GNA13: variants seen among roughly 807,000 people sequenced by gnomAD.
The protein encoded by GNA13 is G protein subunit alpha 13.
GNA13 carries 4 observed loss-of-function variants against 33.5 expected under a neutral mutation model. The observed-to-expected ratio is 0.12, with a 90% CI of 0.06 to 0.27. The LOEUF is 0.27. Ranked by LOEUF, GNA13 falls within the 10% of genes least tolerant of loss-of-function variation. The pLI is 1.00. For missense variants in GNA13, 319 were observed against 487.2 expected (o/e 0.65, Z 3.25); for synonymous variants, 176 against 183.8 (o/e 0.96, Z 0.34).
rs528562157 is a variant in GNA13, at chr17:65,009,490, T to C, written c.*4767A>G. 6.6e-6 allele frequency among the ~76,000 whole-genome samples: 1 copy of C among 152,206 alleles called. No individual in the cohort carries two copies. Among genetic ancestry groups the C allele is most frequent in the South Asian group, 2.1e-4 (1 of 4,822 alleles). On this transcript the variant is annotated 3_prime_UTR_variant, in exon 4 of 4. Coordinates refer to ENST00000439174, the MANE Select transcript of GNA13 (RefSeq NM_006572.6). ...TATTGCCCATCCTGAACTAAAGCAC[T>C]GACAAAAAAATTTACAACAATTATC...
intron 2 of GNA13, among the ~76,000 whole-genome samples, chr17:65,030,230 G>A (rs1906953303): frequency 6.6e-6 from 1 of 152,200 alleles, no homozygotes; most frequent in Non-Finnish European, 1.5e-5. Flanking sequence ...CTTTTTCTCT[G>A]AGCAGATTTA....
intron 2 of GNA13, among the ~76,000 whole-genome samples, chr17:65,029,255 G>A (rs1906914467): frequency 1.3e-5 from 2 of 152,126 alleles, no homozygotes; most frequent in Admixed American, 6.6e-5. Flanking sequence ...TTTTCCCTAT[G>A]AAACAAGCTC....
At position 65,014,932 on chromosome 17, in the gene GNA13, T is replaced by C. The variant is rs1363231307; in HGVS notation, c.562-103A>G. On this transcript the variant is annotated intron_variant, in intron 3 of 3. Transcript: ENST00000439174. The surrounding 1 kb of genome is among the most constrained non-coding windows in gnomAD (Gnocchi z 5.3). The stretch of plus-strand genomic sequence containing the variant: ...GTGAATAGATATGCAAACAAAATGA[T>C]CTTTTAAGTGACATTTTCAGATAGA... 9.0e-6 allele frequency: 6 copies of C among 668,910 alleles called. No individual in the cohort carries two copies. Among genetic ancestry groups the C allele is most frequent in the South Asian group, 1.9e-5 (1 of 52,868 alleles). The allele number at this position is 668,910 out of a possible 1,614,324, so 41.4% of individuals were successfully genotyped here. A position where few individuals can be genotyped will look rare whatever the true frequency, so the allele number is the denominator to read the frequency against.
chr17:65,056,651 C>G lies in GNA13; in HGVS notation c.-58G>C. The G allele has an allele frequency of 7.1e-7, 1 of 1,417,560 alleles. No individual in the cohort carries two copies. 87.8% of individuals were successfully genotyped at this position (1,417,560 alleles called of 1,614,324 possible). ...CTCCGGCTCCCTCCACCTCCTCCTC[C>G]GGCGGCGGGCGGCTCCGGCACCGAG... On this transcript the variant is annotated 5_prime_UTR_variant, in exon 1 of 4. Transcript: ENST00000439174.
At chr17:65,037,777 G>GAAAAAAAAAAAAATAAAAAA (rs145051963) in intron 2 of GNA13, among the ~76,000 whole-genome samples, 1 of 82,060 alleles carries the variant, frequency 1.2e-5, no homozygotes, top group Non-Finnish European at 2.1e-5. Context: ...CTACAAAAAT[G>GAAAAAAAAAAAAATAAAAAA]GAAAAAAAAA....
At position 65,012,199 on chromosome 17, in the gene GNA13, A is replaced by G; in HGVS notation, c.*2058T>C. 4.5e-6 allele frequency: 1 copy of G among 220,264 alleles called. No homozygotes were observed. Among genetic ancestry groups the G allele is most frequent in the Non-Finnish European group, 9.1e-6 (1 of 109,768 alleles). 13.6% of individuals were successfully genotyped at this position (220,264 alleles called of 1,614,324 possible). On this transcript the variant is annotated 3_prime_UTR_variant, in exon 4 of 4. Transcript: ENST00000439174. ...AGGCAATATCTATGGTTCGTATCAC[A>G]GATCTTAACTATGACTTAAGTAAGA...
At chr17:65,021,581 A>C (rs1407263480) in intron 2 of GNA13, among the ~76,000 whole-genome samples, 1 of 152,248 alleles carries the variant, frequency 6.6e-6, no homozygotes, top group Non-Finnish European at 1.5e-5. Flanking sequence ...CAGCTAAAAT[A>C]TTAAAAGGAA....
At position 65,056,739 on chromosome 17, in the gene GNA13, C is replaced by T. The variant is rs1324298290; in HGVS notation, c.-146G>A. On this transcript the variant is annotated 5_prime_UTR_variant, in exon 1 of 4. Transcript: ENST00000439174. ...CCCAGGGAGGGAGGGAACCAGCGAA[C>T]TGACTCGCAGGGCGGGCCGGGCAGG... The T allele has an allele frequency of 3.5e-6, 1 of 281,978 alleles. No homozygotes were observed. Among genetic ancestry groups the T allele is most frequent in the Non-Finnish European group, 5.9e-6 (1 of 168,254 alleles). 17.5% of individuals were successfully genotyped at this position (281,978 alleles called of 1,614,324 possible).
rs561254996 is a variant in GNA13 at position 65,010,845 on chromosome 17, T to G, written c.*3412A>C. Reference sequence around the variant, plus strand: ...ATGACATACACAGAAATAACATTGCTACAAACTGCAATGGAGAGAATCTTG... The same window carrying G: ...ATGACATACACAGAAATAACATTGCGACAAACTGCAATGGAGAGAATCTTG... On this transcript the variant is annotated 3_prime_UTR_variant, in exon 4 of 4. Coordinates refer to ENST00000439174, the MANE Select transcript of GNA13 (RefSeq NM_006572.6). 2.1e-3 allele frequency: 437 copies of G among 209,336 alleles called. No homozygotes were observed. The highest frequency in any genetic ancestry group is 9.5e-3 in the African/African-American group (421 of 44,154). 13.0% of individuals were successfully genotyped at this position (209,336 alleles called of 1,614,324 possible). A position where few individuals can be genotyped will look rare whatever the true frequency, so the allele number is the denominator to read the frequency against.
intron 2 of GNA13, among the ~76,000 whole-genome samples, chr17:65,028,471 C>T (rs1906886469): frequency 6.6e-6 from 1 of 150,696 alleles, no homozygotes; most frequent in African/African-American, 2.4e-5. Flanking sequence ...AAAAAACCCA[C>T]TTCACAGGTG....
chr17:65,030,084 T>C (rs1352083816), intron 2 of GNA13, among the ~76,000 whole-genome samples: 1 of 152,200 alleles, frequency 6.6e-6, no homozygotes, highest in Non-Finnish European at 1.5e-5. Context: ...TCCTACTCCA[T>C]GTAAGTAACC....
intron 2 of GNA13, among the ~76,000 whole-genome samples, chr17:65,034,377 A>ATTTTTTT (rs763627403): frequency 3.5e-5 from 5 of 144,392 alleles, no homozygotes; most frequent in African/African-American, 1.3e-4. Flanking sequence ...AAGGCTAATA[A>ATTTTTTT]TTTTTTTTTT....
At chr17:65,045,518 A>AAC (rs1555603403) in intron 2 of GNA13, among the ~76,000 whole-genome samples, 1 of 151,402 alleles carries the variant, frequency 6.6e-6, no homozygotes, top group Non-Finnish European at 1.5e-5. Context: ...AAAAAAAAAA[A>AAC]AAAAAAAAAA....
chr17:65,031,921 A>AGAGTGTGTGTGT (rs770161529), intron 2 of GNA13, among the ~76,000 whole-genome samples: 172 of 91,450 alleles, frequency 1.9e-3, no homozygotes, highest in Non-Finnish European at 2.9e-3. Flanking sequence ...AGAGAGAGAG[A>AGAGTGTGTGTGT]GTGTGTGTGT....
intron 1 of GNA13, among the ~76,000 whole-genome samples, chr17:65,054,556 C>T (rs1907969168): frequency 6.6e-6 from 1 of 152,172 alleles, no homozygotes; most frequent in Non-Finnish European, 1.5e-5. Context: ...AGCCATCCTC[C>T]CACTTTGGCC....
intron 2 of GNA13, among the ~76,000 whole-genome samples, chr17:65,023,560 T>C (rs11652142): frequency 6.6e-6 from 1 of 152,190 alleles, no homozygotes; most frequent in Non-Finnish European, 1.5e-5. Flanking sequence ...CAACCTAAAA[T>C]TACAAGGCAA....
intron 1 of GNA13, among the ~76,000 whole-genome samples, chr17:65,054,696 A>G (rs761694059): frequency 1.3e-5 from 2 of 152,198 alleles, no homozygotes; most frequent in Non-Finnish European, 2.9e-5. Context: ...ATCAATGCTC[A>G]ACGTAGATCA....
intron 3 of GNA13, among the ~76,000 whole-genome samples, chr17:65,017,030 C>G (rs377346328): frequency 1.3e-5 from 2 of 151,942 alleles, no homozygotes; most frequent in Admixed American, 6.5e-5. Context: ...AATTCTCATG[C>G]ACATTTTTTT....
At position 65,014,911 on chromosome 17, in the gene GNA13, A is replaced by G. The variant is rs1906309509; in HGVS notation, c.562-82T>C. ...AATGGACTACTAACTGGACTAGTGAATAGATATGCAAACAAAATGATCTTT... is the reference window on the plus strand; with the variant it reads ...AATGGACTACTAACTGGACTAGTGAGTAGATATGCAAACAAAATGATCTTT... On this transcript the variant is annotated intron_variant, in intron 3 of 3. Transcript: ENST00000439174. This position sits in a 1 kb window ranked among gnomAD's most constrained non-coding sequence, Gnocchi z 5.3. The G allele has an allele frequency of 9.6e-6, 7 of 731,056 alleles. No homozygotes were observed. In the Admixed American group the frequency reaches 1.8e-4, roughly 19 times the overall value. 45.3% of individuals were successfully genotyped at this position (731,056 alleles called of 1,614,324 possible).
Sources: allele counts gnomAD v4.1 joint callset (sites outside exome capture counted in the v4.1 genomes callset), GRCh38; gene constraint gnomAD v4.1.1; non-coding constraint Gnocchi (gnomAD v3.1); transcripts MANE v1.5; gene names NCBI Gene and HGNC (gene_info 2026-07-23, HGNC 2026-07-21).